Variants in DMD observed in about 807,000 individuals in gnomAD.
The protein encoded by DMD is dystrophin.
In DMD, 63 loss-of-function variants were observed where a neutral mutation model predicts 330.1. That is an observed-to-expected ratio of 0.19 (90% CI 0.16 to 0.24). The LOEUF (loss-of-function observed/expected upper bound fraction) is 0.24, where lower values mean the gene tolerates loss of function less well. Ranked by LOEUF, DMD falls within the 10% of genes least tolerant of loss-of-function variation. The pLI, the probability that DMD is intolerant of heterozygous loss-of-function variation, is 1.00. For synonymous variants in DMD, 1,223 were observed against 959.8 expected, an observed-to-expected ratio of 1.27 and a Z score of -5.07; for missense variants, 3,344 against 2,684.1, an observed-to-expected ratio of 1.25 and a Z score of -5.43.
At chrX:31,196,713 T>C (rs776456379) in intron 67 of DMD, among the ~76,000 whole-genome samples, 9 of 105,078 alleles carry the variant, frequency 8.6e-5, no homozygotes, top group African/African-American at 3.1e-4. Flanking sequence ...CCCAGCTACT[T>C]GGGAGGCTGA....
rs139567170 is a variant in DMD, at chrX:32,340,145, T to C, written c.5922+1955A>G. ...CTATCTATCTACCTACCAACCTATA[T>C]ACCTACTTATCATCTATCAATTATC... On this transcript the variant is annotated intron_variant, in intron 41 of 78. Transcript: ENST00000357033. Among the ~76,000 whole-genome samples, 321 of 111,776 alleles carry C rather than the reference T, an allele frequency of 2.9e-3. 2 individuals are homozygous for C. The highest frequency in any genetic ancestry group is 9.6e-3 in the African/African-American group (297 of 30,854).
chrX:32,586,052 A>G (rs1216577675), intron 13 of DMD, among the ~76,000 whole-genome samples: 1 of 111,514 alleles, frequency 9.0e-6, no homozygotes, highest in Admixed American at 9.6e-5. Context: ...TTCAACATTT[A>G]TTTATACTTG....
chrX:33,007,928 T>A (rs971120464), intron 2 of DMD, among the ~76,000 whole-genome samples: 1 of 111,609 alleles, frequency 9.0e-6, no homozygotes, highest in Non-Finnish European at 1.9e-5. Context: ...GAAGACATTT[T>A]TTTTTCTTCA....
At chrX:31,970,945 T>C (rs1256295031) in intron 44 of DMD, among the ~76,000 whole-genome samples, 2 of 111,578 alleles carry the variant, frequency 1.8e-5, no homozygotes, top group Non-Finnish European at 3.8e-5. Flanking sequence ...TTCAAGAGTG[T>C]CCAATACTTA....
At chrX:31,612,767 G>A (rs2077994503) in intron 55 of DMD, among the ~76,000 whole-genome samples, 1 of 111,904 alleles carries the variant, frequency 8.9e-6, no homozygotes, top group African/African-American at 3.2e-5. Context: ...AAAGAAGTAA[G>A]CATCTATGTT....
chrX:32,213,712 C>G (rs1248142082), intron 44 of DMD, among the ~76,000 whole-genome samples: 1 of 111,846 alleles, frequency 8.9e-6, no homozygotes, highest in African/African-American at 3.3e-5. Flanking sequence ...TGGTGGCTCA[C>G]GTCTGCAATC....
intron 47 of DMD, among the ~76,000 whole-genome samples, chrX:31,922,577 C>T (rs776743104): frequency 1.8e-5 from 2 of 108,929 alleles, no homozygotes; most frequent in Non-Finnish European, 3.8e-5. Flanking sequence ...GGTACTGAGC[C>T]CTCAATCTAT....
chrX:32,832,040 A>G (rs994253232), intron 4 of DMD, among the ~76,000 whole-genome samples: 1 of 110,958 alleles, frequency 9.0e-6, no homozygotes, highest in African/African-American at 3.3e-5. Flanking sequence ...CGTTTCTCAC[A>G]TTTGTTTCAA....
chrX:33,046,850 T>C (rs1266310724), intron 1 of DMD, among the ~76,000 whole-genome samples: 1 of 112,332 alleles, frequency 8.9e-6, no homozygotes. Context: ...ATGTTGAACA[T>C]CTACAAATTG....
intron 7 of DMD, among the ~76,000 whole-genome samples, chrX:32,737,775 G>C (rs528503622): frequency 9.0e-6 from 1 of 111,481 alleles, no homozygotes; most frequent in African/African-American, 3.3e-5. Context: ...CTTCTAATGC[G>C]TTACATCAAT....
At chrX:33,265,601 A>T (rs1180830234) in intron 1 of DMD, among the ~76,000 whole-genome samples, 1 of 111,613 alleles carries the variant, frequency 9.0e-6, no homozygotes, top group African/African-American at 3.2e-5. Context: ...AAATTCCAAT[A>T]TCCCATTCTA....
At chrX:31,861,736 T>TACACACACACACACACACACAC (rs753295784) in intron 48 of DMD, among the ~76,000 whole-genome samples, 17 of 76,868 alleles carry the variant, frequency 2.2e-4, no homozygotes, top group African/African-American at 6.7e-4. Flanking sequence ...AAGAGTGCTA[T>TACACACACACACACACACACAC]ACACACACAC....
chrX:32,326,875 C>G (rs1392881484), intron 41 of DMD, among the ~76,000 whole-genome samples: 1 of 104,200 alleles, frequency 9.6e-6, no homozygotes, highest in Non-Finnish European at 2.0e-5. Flanking sequence ...CCACTGCACT[C>G]CAGCCTGGGT....
At chrX:32,771,462 T>A (rs966735059) in intron 7 of DMD, among the ~76,000 whole-genome samples, 2 of 109,724 alleles carry the variant, frequency 1.8e-5, no homozygotes, top group Non-Finnish European at 3.8e-5. Context: ...AACATAAATG[T>A]CATCTCATCA....
At chrX:31,379,405 A>G (rs2060045216) in intron 60 of DMD, among the ~76,000 whole-genome samples, 1 of 111,189 alleles carries the variant, frequency 9.0e-6, no homozygotes, top group Non-Finnish European at 1.9e-5. Flanking sequence ...GCTCTTTTTC[A>G]TCAAATAAAA....
At chrX:33,062,726 C>A (rs2148089528) in intron 1 of DMD, among the ~76,000 whole-genome samples, 1 of 112,695 alleles carries the variant, frequency 8.9e-6, no homozygotes, top group South Asian at 3.6e-4. Context: ...ATCCACCCGC[C>A]TCGGCCTCCC....
intron 2 of DMD, among the ~76,000 whole-genome samples, chrX:32,989,944 T>C (rs1285082632): frequency 8.9e-6 from 1 of 111,914 alleles, no homozygotes; most frequent in Non-Finnish European, 1.9e-5. Flanking sequence ...CTCACTATTC[T>C]GTTCCTTAGC....
chrX:33,073,832 CAAATAAATAAAT>C (rs5902051), intron 1 of DMD, among the ~76,000 whole-genome samples: 2,438 of 99,274 alleles, frequency 0.025, 73 homozygotes, highest in African/African-American at 0.084. Context: ...AACTCTGTCT[CAAATAAATAAAT>C]AAATAAATAA....
At chrX:31,248,313 G>C (rs1411127197) in intron 63 of DMD, among the ~76,000 whole-genome samples, 2 of 111,925 alleles carry the variant, frequency 1.8e-5, no homozygotes, top group Non-Finnish European at 3.8e-5. Context: ...AATCTCCAAG[G>C]TATGTCTGTA....
Sources: allele counts gnomAD v4.1 joint callset (sites outside exome capture counted in the v4.1 genomes callset), GRCh38; gene constraint gnomAD v4.1.1; transcripts MANE v1.5; gene names NCBI Gene and HGNC (gene_info 2026-07-23, HGNC 2026-07-21).